CCSER1: variants seen among roughly 807,000 people sequenced by gnomAD.
CCSER1 encodes serine-rich coiled-coil domain-containing protein 1.
A neutral mutation model predicts 82.0 loss-of-function variants in CCSER1; 41 were observed. That is an observed-to-expected ratio of 0.50 (90% CI 0.39 to 0.65). The LOEUF (loss-of-function observed/expected upper bound fraction) is 0.65. CCSER1 is among the 30% of genes least tolerant of loss of function. The pLI, the probability that CCSER1 is intolerant of heterozygous loss-of-function variation, is 0.00. For synonymous variants in CCSER1, 414 were observed against 383.9 expected, an observed-to-expected ratio of 1.08 and a Z score of -0.92; for missense variants, 1,119 against 1,064.2, an observed-to-expected ratio of 1.05 and a Z score of -0.72.
At chr4:90,424,589 T>A (rs1213379373) in intron 4 of CCSER1, among the ~76,000 whole-genome samples, 1 of 152,192 alleles carries the variant, frequency 6.6e-6, no homozygotes, top group Non-Finnish European at 1.5e-5. Flanking sequence ...ACATATAAGA[T>A]ACTACACTTG....
chr4:90,712,978 C>A (rs371380307), intron 6 of CCSER1, among the ~76,000 whole-genome samples: 1 of 139,588 alleles, frequency 7.2e-6, no homozygotes, highest in African/African-American at 2.7e-5. Flanking sequence ...CTGCTTTTTT[C>A]TTTTTTCCAT....
At chr4:91,242,395 C>T (rs1739443351) in intron 10 of CCSER1, among the ~76,000 whole-genome samples, 1 of 152,144 alleles carries the variant, frequency 6.6e-6, no homozygotes, top group African/African-American at 2.4e-5. Context: ...TAAAATGACT[C>T]AAGTTTCTCT....
In CCSER1 at chr4:91,389,857, G is replaced by T. The variant is rs1751540726; in HGVS notation, c.2218-208715G>T. Among the ~76,000 whole-genome samples the T allele has an allele frequency of 2.0e-5, 3 of 152,012 alleles. No homozygotes were observed. The South Asian group carries it at 6.2e-4, about 32-fold the overall frequency. On this transcript the variant is annotated intron_variant, in intron 10 of 10. Coordinates refer to ENST00000509176, the MANE Select transcript of CCSER1 (RefSeq NM_001145065.2). ...GGGTGCTAATACAAATGGTTATGTG[G>T]TTTTAATTTCAAATGCCACTTGTTA...
chr4:90,490,603 A>G (rs892415853), intron 5 of CCSER1, among the ~76,000 whole-genome samples: 1 of 152,240 alleles, frequency 6.6e-6, no homozygotes. Flanking sequence ...GCCCATGCCT[A>G]TGTCCTGAAT....
At chr4:90,649,582 A>G (rs886764391) in intron 6 of CCSER1, 1 of 152,232 alleles carries the variant, frequency 6.6e-6, no homozygotes, top group African/African-American at 2.4e-5. Flanking sequence ...CAAGAACTGA[A>G]TCTGCCAGCC....
At chr4:91,432,897 C>T (rs1237479811) in intron 10 of CCSER1, among the ~76,000 whole-genome samples, 1 of 152,038 alleles carries the variant, frequency 6.6e-6, no homozygotes, top group Non-Finnish European at 1.5e-5. Context: ...TTCTCCCACT[C>T]TGATAGTGTG....
chr4:91,465,908 G>A (rs1262571927), intron 10 of CCSER1, among the ~76,000 whole-genome samples: 2 of 152,062 alleles, frequency 1.3e-5, no homozygotes, highest in African/African-American at 2.4e-5. Context: ...ATTCACAGCC[G>A]AATTCTACCA....
chr4:91,412,927 A>C lies in CCSER1; in HGVS notation c.2218-185645A>C, dbSNP rs562842481. Among the ~76,000 whole-genome samples, 7 of 143,328 alleles carry C rather than the reference A, an allele frequency of 4.9e-5. No individual in the cohort carries two copies. The East Asian group carries it at 1.4e-3, about 30-fold the overall frequency. The allele number at this position is 143,328 out of a possible 152,430, so 94.0% of individuals were successfully genotyped here. A position where few individuals can be genotyped will look rare whatever the true frequency, so the allele number is the denominator to read the frequency against. ...ATAATTCAAAATAATGATTGTAAAG[A>C]AGGTCAATGAGATGCATAAGGAAAC... is the stretch of plus-strand genomic sequence containing the variant. On this transcript the variant is annotated intron_variant, in intron 10 of 10. Coordinates refer to ENST00000509176, the MANE Select transcript of CCSER1 (RefSeq NM_001145065.2).
At chr4:90,296,656 G>A (rs907056454) in intron 1 of CCSER1, among the ~76,000 whole-genome samples, 2 of 151,860 alleles carry the variant, frequency 1.3e-5, no homozygotes, top group African/African-American at 2.4e-5. Context: ...ATCCATCTTG[G>A]ATTAATTTTT....
At chr4:90,296,393 C>G (rs1731931572) in intron 1 of CCSER1, among the ~76,000 whole-genome samples, 1 of 151,984 alleles carries the variant, frequency 6.6e-6, no homozygotes, top group Non-Finnish European at 1.5e-5. Flanking sequence ...TGGATATTAG[C>G]CCTTTGCCAG....
intron 5 of CCSER1, among the ~76,000 whole-genome samples, chr4:90,618,963 C>T (rs1405995033): frequency 1.3e-5 from 2 of 151,708 alleles, no homozygotes; most frequent in East Asian, 3.8e-4. Flanking sequence ...AAATACTTAA[C>T]CCATAACTGT....
chr4:90,443,736 A>C (rs1760233624), intron 4 of CCSER1, among the ~76,000 whole-genome samples: 1 of 152,140 alleles, frequency 6.6e-6, no homozygotes, highest in South Asian at 2.1e-4. Flanking sequence ...GATTGAAGTC[A>C]TTAAGCGAGA....
chr4:90,988,562 A>G (rs986635698), intron 9 of CCSER1, among the ~76,000 whole-genome samples: 1 of 151,714 alleles, frequency 6.6e-6, no homozygotes, highest in Non-Finnish European at 1.5e-5. Context: ...TTTATCTGAT[A>G]AGATAAAATA....
intron 6 of CCSER1, among the ~76,000 whole-genome samples, chr4:90,628,614 A>G (rs1723771835): frequency 6.6e-6 from 1 of 152,206 alleles, no homozygotes; most frequent in Non-Finnish European, 1.5e-5. Flanking sequence ...ATATGATACC[A>G]TAAAAGTAGT....
intron 4 of CCSER1, among the ~76,000 whole-genome samples, chr4:90,436,873 C>A (rs925813772): frequency 2.6e-4 from 40 of 151,236 alleles, no homozygotes; most frequent in African/African-American, 9.2e-4. Flanking sequence ...GTGGCGCAAT[C>A]TCAGCTCACT....
chr4:90,436,634 CTT>C (rs1383033123), intron 4 of CCSER1, among the ~76,000 whole-genome samples: 1 of 152,032 alleles, frequency 6.6e-6, no homozygotes, highest in Non-Finnish European at 1.5e-5. Context: ...ATCCGATTTT[CTT>C]TTAGTCTACT....
chr4:91,149,232 G>C (rs1451482014), intron 10 of CCSER1, among the ~76,000 whole-genome samples: 1 of 152,214 alleles, frequency 6.6e-6, no homozygotes, highest in Non-Finnish European at 1.5e-5. Flanking sequence ...CTGATGGCCA[G>C]TGATGATGAG....
At chr4:90,300,640 C>G (rs897014717) in intron 1 of CCSER1, among the ~76,000 whole-genome samples, 1 of 152,092 alleles carries the variant, frequency 6.6e-6, no homozygotes, top group Middle Eastern at 3.4e-3. Flanking sequence ...TGTCCAAATT[C>G]TAGGAAAATA....
At chr4:90,723,831 GATTT>G (rs1743145726) in intron 6 of CCSER1, 79 bp from the exon 7 acceptor site, 8 of 559,998 alleles carry the variant, frequency 1.4e-5, no homozygotes, top group South Asian at 8.3e-5. Flanking sequence ...TTATTTTAAT[GATTT>G]ATTTATTTTT....
Sources: allele counts gnomAD v4.1 joint callset (sites outside exome capture counted in the v4.1 genomes callset), GRCh38; gene constraint gnomAD v4.1.1; transcripts MANE v1.5; gene names NCBI Gene and HGNC (gene_info 2026-07-23, HGNC 2026-07-21).